GDPD5: variants seen among roughly 807,000 people sequenced by gnomAD.
GDPD5 encodes glycerophosphodiester phosphodiesterase 2.
Under a neutral mutation model 75.1 loss-of-function variants are expected in GDPD5, and 48 were observed. The ratio of observed to expected loss-of-function variants is 0.64; its 90% CI spans 0.51 to 0.81. GDPD5 has a LOEUF of 0.81. Ranked by LOEUF, GDPD5 falls within the 40% of genes least tolerant of loss-of-function variation. The probability of loss-of-function intolerance (pLI) is 0.00; values close to 1 mark genes in which losing one functional copy is unlikely to be tolerated. For synonymous variants in GDPD5, 336 were observed against 339.0 expected (o/e 0.99, Z 0.10); for missense variants, 706 against 822.6 (o/e 0.86, Z 1.73).
intron 6 of GDPD5, 132 bp downstream of exon 6, chr11:75,456,625 T>G (rs1318457950): frequency 5.0e-6 from 4 of 805,336 alleles, no homozygotes; most frequent in Non-Finnish European, 8.3e-6. Flanking sequence ...GCATAGTGAG[T>G]GCTCAGCCTT....
At chr11:75,483,016 C>T (rs927563428) in intron 2 of GDPD5, among the ~76,000 whole-genome samples, 9 of 152,212 alleles carry the variant, frequency 5.9e-5, no homozygotes, top group South Asian at 4.1e-4. Flanking sequence ...ACTCGGCCGC[C>T]GGGACGATCT....
chr11:75,466,110 G>T (rs1317264451), intron 3 of GDPD5, among the ~76,000 whole-genome samples: 1 of 152,218 alleles, frequency 6.6e-6, no homozygotes, highest in Non-Finnish European at 1.5e-5. Flanking sequence ...GTGGTGGTTG[G>T]GGGTGAGGCA....
At chr11:75,490,060 G>A (rs1950082065) in intron 2 of GDPD5, among the ~76,000 whole-genome samples, 177 bp downstream of exon 2, 1 of 152,226 alleles carries the variant, frequency 6.6e-6, no homozygotes, top group African/African-American at 2.4e-5. Context: ...TACTAAGCAA[G>A]AGACAAGTCT....
At chr11:75,497,030 A>T (rs1385055359) in intron 1 of GDPD5, among the ~76,000 whole-genome samples, 1 of 151,362 alleles carries the variant, frequency 6.6e-6, no homozygotes, top group Non-Finnish European at 1.5e-5. Context: ...TGATCTCCCC[A>T]CCTTGGCCTC....
intron 2 of GDPD5, among the ~76,000 whole-genome samples, chr11:75,480,042 T>G (rs1185401169): frequency 6.6e-6 from 1 of 152,206 alleles, no homozygotes; most frequent in African/African-American, 2.4e-5. Flanking sequence ...TGTTTTCATT[T>G]CTTTTGGGTA....
At chr11:75,472,185 A>C (rs1185493252) in intron 3 of GDPD5, among the ~76,000 whole-genome samples, 3 of 152,112 alleles carry the variant, frequency 2.0e-5, no homozygotes, top group African/African-American at 7.2e-5. Flanking sequence ...AAGCAAGCTC[A>C]GGCCCAGAGA....
At chr11:75,441,110 G>T in intron 14 of GDPD5, 53 bp downstream of exon 14, 1 of 1,576,952 alleles carries the variant, frequency 6.3e-7, no homozygotes, top group Non-Finnish European at 8.7e-7. Context: ...GTCAGGGCAG[G>T]CTATAGGCAG....
chr11:75,470,273 C>G (rs971379022), intron 3 of GDPD5, among the ~76,000 whole-genome samples: 3 of 152,124 alleles, frequency 2.0e-5, no homozygotes, highest in Admixed American at 6.5e-5. Context: ...TAAAAGCTTT[C>G]CTTATGTAAG....
chr11:75,466,346 G>A (rs374661786), intron 3 of GDPD5, among the ~76,000 whole-genome samples: 182 of 152,262 alleles, frequency 1.2e-3, no homozygotes, highest in African/African-American at 4.1e-3. Context: ...AACACTGAAT[G>A]GCAGGGACTG....
At chr11:75,472,866 G>C (rs1438472993) in intron 3 of GDPD5, among the ~76,000 whole-genome samples, 1 of 152,136 alleles carries the variant, frequency 6.6e-6, no homozygotes, top group Admixed American at 6.5e-5. Context: ...AGGTCAACCT[G>C]CTGTGGAACC....
chr11:75,512,995 C>T (rs1950560257), intron 1 of GDPD5, among the ~76,000 whole-genome samples: 1 of 152,214 alleles, frequency 6.6e-6, no homozygotes, highest in South Asian at 2.1e-4. Flanking sequence ...CATCTATGCA[C>T]AGGACATACT....
chr11:75,444,794 C>G (rs1323971499), intron 9 of GDPD5, among the ~76,000 whole-genome samples: 2 of 152,274 alleles, frequency 1.3e-5, no homozygotes, highest in East Asian at 3.9e-4. Context: ...TAGCTATGGT[C>G]ACTATGTTAT....
chr11:75,488,714 C>G (rs1431391522), intron 2 of GDPD5, among the ~76,000 whole-genome samples: 1 of 152,198 alleles, frequency 6.6e-6, no homozygotes, highest in African/African-American at 2.4e-5. Flanking sequence ...CTGATTCCCC[C>G]CAACAAAAGC....
intron 1 of GDPD5, among the ~76,000 whole-genome samples, chr11:75,496,399 A>G (rs1210978990): frequency 6.6e-6 from 1 of 152,224 alleles, no homozygotes; most frequent in African/African-American, 2.4e-5. Flanking sequence ...AGTGAGCAGG[A>G]GACTGAGAGC....
At chr11:75,471,932 A>C (rs1949676001) in intron 3 of GDPD5, among the ~76,000 whole-genome samples, 1 of 152,154 alleles carries the variant, frequency 6.6e-6, no homozygotes, top group South Asian at 2.1e-4. Context: ...TTATCCTTAT[A>C]GGAATCCTGC....
intron 3 of GDPD5, among the ~76,000 whole-genome samples, chr11:75,464,461 C>T (rs1203663290): frequency 6.6e-6 from 1 of 152,182 alleles, no homozygotes; most frequent in African/African-American, 2.4e-5. Flanking sequence ...GACTCCATAC[C>T]CACTAAGGGC....
intron 1 of GDPD5, among the ~76,000 whole-genome samples, chr11:75,509,356 G>C (rs1034789215): frequency 6.6e-6 from 1 of 152,182 alleles, no homozygotes; most frequent in Non-Finnish European, 1.5e-5. Flanking sequence ...TCTGGCCTGT[G>C]TGTGCGACTT....
At chr11:75,466,623 T>A (rs1482071101) in intron 3 of GDPD5, among the ~76,000 whole-genome samples, 1 of 152,152 alleles carries the variant, frequency 6.6e-6, no homozygotes, top group African/African-American at 2.4e-5. Flanking sequence ...TTTAGGGGTA[T>A]CTACCCCCAT....
intron 15 of GDPD5, 66 bp downstream of exon 15, chr11:75,439,813 G>T: frequency 7.6e-7 from 1 of 1,323,198 alleles, no homozygotes; most frequent in Non-Finnish European, 1.1e-6. Context: ...GGTTCACCTG[G>T]CTGGGGTGGG....
Sources: gnomAD v4.1 joint callset for allele counts (sites outside exome capture counted in the v4.1 genomes callset) on GRCh38, gnomAD v4.1.1 for gene constraint, MANE v1.5 for transcripts, NCBI Gene and HGNC (gene_info 2026-07-23, HGNC 2026-07-21) for gene names.